CCSER1: variants seen among roughly 807,000 people sequenced by gnomAD.
The protein encoded by CCSER1 is coiled-coil serine rich protein 1, also known as serine-rich coiled-coil domain-containing protein 1.
In CCSER1, 41 loss-of-function variants were observed where a neutral mutation model predicts 82.0. That is an observed-to-expected ratio of 0.50 (90% CI 0.39 to 0.65). The LOEUF is 0.65. Ranked by LOEUF, CCSER1 falls within the 30% of genes least tolerant of loss-of-function variation. The probability of loss-of-function intolerance (pLI) is 0.00; values close to 1 mark genes in which losing one functional copy is unlikely to be tolerated. For synonymous variants in CCSER1, 414 were observed against 383.9 expected (o/e 1.08, Z -0.92); for missense variants, 1,119 against 1,064.2 (o/e 1.05, Z -0.72).
intron 1 of CCSER1, among the ~76,000 whole-genome samples, chr4:90,244,131 C>T (rs1720975316): frequency 6.6e-6 from 1 of 151,992 alleles, no homozygotes; most frequent in South Asian, 2.1e-4. Context: ...GTATTATTTT[C>T]TCTTAATGAG....
At chr4:91,155,595 C>A (rs1730733475) in intron 10 of CCSER1, among the ~76,000 whole-genome samples, 1 of 151,944 alleles carries the variant, frequency 6.6e-6, no homozygotes, top group Non-Finnish European at 1.5e-5. Flanking sequence ...ATATCATTTT[C>A]ATCTAATGAT....
chr4:91,119,417 G>T (rs2148888460), intron 10 of CCSER1, among the ~76,000 whole-genome samples: 1 of 151,970 alleles, frequency 6.6e-6, no homozygotes. Context: ...AAACCCCTGA[G>T]AACATTTCTA....
At chr4:91,143,258 T>C (rs1275341113) in intron 10 of CCSER1, among the ~76,000 whole-genome samples, 1 of 152,100 alleles carries the variant, frequency 6.6e-6, no homozygotes, top group Middle Eastern at 3.4e-3. Flanking sequence ...AATTTGATTT[T>C]TTTTTTTTAT....
chr4:90,374,124 C>T (rs1427340118), intron 3 of CCSER1, among the ~76,000 whole-genome samples: 2 of 152,138 alleles, frequency 1.3e-5, no homozygotes, highest in Non-Finnish European at 2.9e-5. Flanking sequence ...TAGTTCCTGA[C>T]AGTTTTGGCT....
At chr4:90,483,539 C>T (rs553591427) in intron 5 of CCSER1, among the ~76,000 whole-genome samples, 104 of 152,282 alleles carry the variant, frequency 6.8e-4, no homozygotes, top group Non-Finnish European at 1.3e-3. Context: ...TTTAGTGCTT[C>T]CTTCAGGAGG....
intron 9 of CCSER1, among the ~76,000 whole-genome samples, chr4:91,044,321 T>G (rs893555949): frequency 2.0e-5 from 3 of 152,218 alleles, no homozygotes; most frequent in African/African-American, 7.2e-5. Context: ...TTTAGAAATA[T>G]TATTCTTTGA....
At chr4:90,658,419 T>C (rs1730126864) in intron 6 of CCSER1, among the ~76,000 whole-genome samples, 1 of 151,950 alleles carries the variant, frequency 6.6e-6, no homozygotes, top group African/African-American at 2.4e-5. Context: ...AAACCAGGAG[T>C]TTCCCCAGGA....
intron 5 of CCSER1, among the ~76,000 whole-genome samples, chr4:90,624,465 T>A (rs1222560980): frequency 6.6e-6 from 1 of 152,218 alleles, no homozygotes; most frequent in Non-Finnish European, 1.5e-5. Flanking sequence ...TCAGTTTCCC[T>A]GTAGTTTGTG....
intron 10 of CCSER1, among the ~76,000 whole-genome samples, chr4:91,363,756 C>CT (rs1237145230): frequency 6.6e-6 from 1 of 151,706 alleles, no homozygotes; most frequent in East Asian, 1.9e-4. Flanking sequence ...TGTACCTATT[C>CT]TTTGATCAAG....
chr4:91,444,410 C>T (rs142248996), intron 10 of CCSER1, among the ~76,000 whole-genome samples: 17 of 151,968 alleles, frequency 1.1e-4, no homozygotes, highest in African/African-American at 3.4e-4. Flanking sequence ...GCAAGATTCA[C>T]GAACACACTG....
intron 8 of CCSER1, among the ~76,000 whole-genome samples, chr4:90,898,199 A>C (rs543388545): frequency 1.3e-5 from 2 of 149,682 alleles, no homozygotes; most frequent in South Asian, 4.2e-4. Flanking sequence ...GAATACACAG[A>C]AGAGTTTTTC....
intron 1 of CCSER1, among the ~76,000 whole-genome samples, chr4:90,215,735 C>T (rs976503665): frequency 6.6e-6 from 1 of 152,102 alleles, no homozygotes; most frequent in Non-Finnish European, 1.5e-5. Context: ...GGCAAAGGTG[C>T]AATGGAAAAT....
At chr4:90,920,671 A>G (rs1037476642) in intron 8 of CCSER1, among the ~76,000 whole-genome samples, 3 of 151,306 alleles carry the variant, frequency 2.0e-5, no homozygotes, top group African/African-American at 7.3e-5. Flanking sequence ...ATACACACAC[A>G]CCTCGGGCTC....
rs921404785 is a variant in CCSER1, at chr4:90,268,863, A to G, written c.-41-39381A>G. ...ATAAAGGAATGTAAAAAGATACTCC[A>G]TGGAAATGGAAACAAAAAAAAATAA... On this transcript the variant is annotated intron_variant, in intron 1 of 10. Transcript: ENST00000509176. 3.3e-5 allele frequency among the ~76,000 whole-genome samples: 5 copies of G among 152,246 alleles called. No individual in the cohort carries two copies. In the East Asian group the frequency reaches 9.6e-4, roughly 29 times the overall value.
intron 10 of CCSER1, among the ~76,000 whole-genome samples, chr4:91,176,837 C>G (rs1481335457): frequency 6.6e-6 from 1 of 152,140 alleles, no homozygotes; most frequent in Non-Finnish European, 1.5e-5. Flanking sequence ...ATTGCCCTGG[C>G]CAGAACTTCC....
chr4:90,314,836 A>ATTT (rs1735889732), intron 3 of CCSER1, among the ~76,000 whole-genome samples: 1 of 129,090 alleles, frequency 7.7e-6, no homozygotes, highest in African/African-American at 2.9e-5. Context: ...TCTCAGATTT[A>ATTT]CTTTTTTTTT....
chr4:90,183,174 A>G (rs1560757567), intron 1 of CCSER1, among the ~76,000 whole-genome samples: 2 of 152,112 alleles, frequency 1.3e-5, no homozygotes. Context: ...TAAAATATTC[A>G]TTATTCTTTA....
chr4:90,743,960 A>G, intron 7 of CCSER1, among the ~76,000 whole-genome samples: 1 of 152,150 alleles, frequency 6.6e-6, no homozygotes, highest in East Asian at 1.9e-4. Context: ...TTAGTTTTAA[A>G]AGTTTCATTT....
At chr4:90,940,983 T>C (rs1369670564) in intron 9 of CCSER1, among the ~76,000 whole-genome samples, 4 of 152,146 alleles carry the variant, frequency 2.6e-5, no homozygotes, top group African/African-American at 9.7e-5. Context: ...TATGCACATA[T>C]ATAATTGTGT....
Sources: allele counts gnomAD v4.1 joint callset (sites outside exome capture counted in the v4.1 genomes callset), GRCh38; gene constraint gnomAD v4.1.1; transcripts MANE v1.5; gene names NCBI Gene and HGNC (gene_info 2026-07-23, HGNC 2026-07-21).